The following PTPN5 variants were observed in gnomAD, a reference collection of about 807,000 sequenced individuals.
PTPN5 encodes protein tyrosine phosphatase non-receptor type 5, also known as tyrosine-protein phosphatase non-receptor type 5.
In PTPN5, 29 loss-of-function variants were observed where a neutral mutation model predicts 73.9. The ratio of observed to expected loss-of-function variants is 0.39; its 90% CI spans 0.29 to 0.54. The LOEUF (loss-of-function observed/expected upper bound fraction) is 0.54, where lower values mean the gene tolerates loss of function less well. Among genes scored for constraint, PTPN5 ranks in the 20% least tolerant of loss-of-function variants. The pLI is 0.65. For missense variants in PTPN5, 652 were observed against 751.4 expected (o/e 0.87, Z 1.55); for synonymous variants, 267 against 304.7 (o/e 0.88, Z 1.29).
intron 8 of PTPN5, 72 bp downstream of exon 8, chr11:18,740,531 T>C (rs1849314265): frequency 3.0e-6 from 4 of 1,325,578 alleles, no homozygotes; most frequent in Non-Finnish European, 3.9e-6. Context: ...GGCACCACGC[T>C]CCACCACCTG....
Position 18,776,227 on chromosome 11 carries a change from G to A in PTPN5, c.-113-4156C>T, listed in dbSNP as rs1220451924. On this transcript the variant is annotated intron_variant, in intron 1 of 14. Coordinates refer to ENST00000358540, the MANE Select transcript of PTPN5 (RefSeq NM_006906.2). ...CTTGTGGGCGTCTTCTGGTATTTCC[G>A]TTCAGTTACATGCTTGCTCCTACCT... Among the ~76,000 whole-genome samples, 7 of 152,120 alleles carry A rather than the reference G, an allele frequency of 4.6e-5. No individual in the cohort carries two copies. In the East Asian group the frequency reaches 1.2e-3, roughly 25 times the overall value.
chr11:18,791,686 GTCCGTCCTTCGGTGCC>G lies in PTPN5; in HGVS notation c.-291_-276del, dbSNP rs1164928380. On this transcript the variant is annotated 5_prime_UTR_variant, in exon 1 of 15. Transcript: ENST00000358540. ...TCTGTGCGTCTGCGTGTGCGGGGGC[GTCCGTCCTTCGGTGCC>G]TCCGTCCTTCGGTCCGTCCGCCTGG... 19 of 152,390 alleles carry G rather than the reference GTCCGTCCTTCGGTGCC, an allele frequency of 1.2e-4. No individual in the cohort carries two copies. The highest frequency in any genetic ancestry group is 1.2e-3 in the East Asian group (6 of 5,146). The allele number at this position is 152,390 out of a possible 1,614,324, so 9.4% of individuals were successfully genotyped here.
chr11:18,789,906 AACC>A (rs984360319), intron 1 of PTPN5, among the ~76,000 whole-genome samples: 19 of 152,224 alleles, frequency 1.2e-4, no homozygotes, highest in African/African-American at 4.3e-4. Flanking sequence ...TTACTCACGA[AACC>A]AAATACCACC....
chr11:18,738,242 G>T (rs954910655), intron 8 of PTPN5, among the ~76,000 whole-genome samples: 8 of 152,174 alleles, frequency 5.3e-5, no homozygotes, highest in Non-Finnish European at 1.2e-4. Context: ...TGAAGAAAAA[G>T]ACAAAAAGTG....
intron 1 of PTPN5, among the ~76,000 whole-genome samples, chr11:18,790,056 C>G (rs1021085766): frequency 1.3e-5 from 2 of 151,986 alleles, no homozygotes; most frequent in Non-Finnish European, 2.9e-5. Flanking sequence ...GACTCCATCC[C>G]TTCACCATCC....
chr11:18,775,410 G>C (rs947203561), intron 1 of PTPN5, among the ~76,000 whole-genome samples: 9 of 152,320 alleles, frequency 5.9e-5, no homozygotes, highest in South Asian at 4.1e-4. Context: ...CCAAGCAAAC[G>C]AGTGAAGGAG....
rs912155218 is a variant in PTPN5, at chr11:18,789,418, A to G, written c.-114+2107T>C. ...AAAGGGTTATATACTGACACCGTAC[A>G]GCCAGTGAGGAAGAGACTGGGACTG... On this transcript the variant is annotated intron_variant, in intron 1 of 14. Coordinates refer to ENST00000358540, the MANE Select transcript of PTPN5 (RefSeq NM_006906.2). Among the ~76,000 whole-genome samples the G allele has an allele frequency of 2.6e-5, 4 of 152,206 alleles. No individual in the cohort carries two copies. In the South Asian group the frequency reaches 6.2e-4, roughly 24 times the overall value.
At chr11:18,732,265 G>T (rs1848913852) in intron 12 of PTPN5, among the ~76,000 whole-genome samples, 1 of 152,172 alleles carries the variant, frequency 6.6e-6, no homozygotes, top group Admixed American at 6.5e-5. Flanking sequence ...AGTGCTGGAG[G>T]CTGCTGAAGT....
intron 3 of PTPN5, among the ~76,000 whole-genome samples, chr11:18,746,162 A>AATATAAATATAT (rs1291741015): frequency 7.4e-5 from 5 of 67,672 alleles, no homozygotes; most frequent in East Asian, 4.1e-4. Context: ...TATAAATATA[A>AATATAAATATAT]ATATATATAT....
At chr11:18,782,272 G>A (rs1326846416) in intron 1 of PTPN5, among the ~76,000 whole-genome samples, 1 of 151,810 alleles carries the variant, frequency 6.6e-6, no homozygotes, top group African/African-American at 2.4e-5. Context: ...CTGTCACCCA[G>A]GCTTGAGTGC....
Position 18,729,398 on chromosome 11 carries a change from A to C in PTPN5, c.1604+55T>G, listed in dbSNP as rs1590469077. 1.2e-6 allele frequency: 1 copy of C among 868,138 alleles called. No homozygotes were observed. The highest frequency in any genetic ancestry group is 1.9e-6 in the Non-Finnish European group (1 of 516,666). 53.8% of individuals were successfully genotyped at this position (868,138 alleles called of 1,614,324 possible). On this transcript the variant is annotated intron_variant, in intron 14 of 14. Transcript: ENST00000358540. The surrounding 1 kb of genome is among the most constrained non-coding windows in gnomAD (Gnocchi z 5.2). ...CATGCACATGTGGGTCTCTCCCTCTACCCGCTCGGGGCTCTAGCTCCCTTG... is the reference window on the plus strand; with the variant it reads ...CATGCACATGTGGGTCTCTCCCTCTCCCCGCTCGGGGCTCTAGCTCCCTTG...
In PTPN5 at chr11:18,744,165, G is replaced by A. The variant is rs367543233; in HGVS notation, c.132C>T (p.Asp44=). The change falls in exon 4 of 15, where the codon GAC becomes GAT. Residue 44 remains aspartate, a synonymous_variant. Transcript: ENST00000358540. ...GTGAGTCCTGGAGCCCTTCAGCCTCGTCCAGTGCCTCCATCACTATCGGCT... is the reference window on the plus strand; with the variant it reads ...GTGAGTCCTGGAGCCCTTCAGCCTCATCCAGTGCCTCCATCACTATCGGCT... ...LPQPIVMEAL[D]EAEGLQDSQR... is the part of the protein sequence containing the mutation. 2.6e-5 allele frequency: 42 copies of A among 1,588,558 alleles called. No individual in the cohort carries two copies. The highest frequency in any genetic ancestry group is 1.8e-4 in the African/African-American group (13 of 73,048).
At position 18,781,320 on chromosome 11, in the gene PTPN5, C is replaced by T. The variant is rs1031980581; in HGVS notation, c.-113-9249G>A. ...CAGAGATCAGACTGTCTTTTTTTGA[C>T]CACTTTTTTTTTTTTTTGAGATGGA... On this transcript the variant is annotated intron_variant, in intron 1 of 14. Transcript: ENST00000358540. Among the ~76,000 whole-genome samples the T allele has an allele frequency of 1.5e-4, 9 of 58,732 alleles. No homozygotes were observed. The East Asian group carries it at 4.6e-3, about 30-fold the overall frequency. The allele number at this position is 58,732 out of a possible 152,430, so 38.5% of individuals were successfully genotyped here. A position where few individuals can be genotyped will look rare whatever the true frequency, so the allele number is the denominator to read the frequency against.
In PTPN5 at chr11:18,740,588, C is replaced by T; in HGVS notation, c.915+15G>A. The T allele has an allele frequency of 6.5e-7, 1 of 1,544,628 alleles. No homozygotes were observed. The highest frequency in any genetic ancestry group is 1.3e-5 in the South Asian group (1 of 79,932). On this transcript the variant is annotated intron_variant, in intron 8 of 14. Coordinates refer to ENST00000358540, the MANE Select transcript of PTPN5 (RefSeq NM_006906.2). ...GGTCTGCACACAGTGGGGCGACCGG[C>T]TCAAGGGAACTCACAAAGAATTCCG...
At chr11:18,758,367 C>T (rs906386191) in intron 3 of PTPN5, among the ~76,000 whole-genome samples, 5 of 152,144 alleles carry the variant, frequency 3.3e-5, no homozygotes, top group African/African-American at 1.2e-4. Flanking sequence ...GTCCAACTAC[C>T]ATGAGACCAT....
chr11:18,761,123 T>C (rs1414968981), intron 3 of PTPN5, among the ~76,000 whole-genome samples: 1 of 152,154 alleles, frequency 6.6e-6, no homozygotes, highest in East Asian at 1.9e-4. Context: ...GCAGGGGTGG[T>C]ATACTGCGAG....
At chr11:18,761,874 G>T (rs1056936921) in intron 3 of PTPN5, among the ~76,000 whole-genome samples, 5 of 152,208 alleles carry the variant, frequency 3.3e-5, no homozygotes, top group African/African-American at 7.2e-5. Context: ...AGGCATGCAG[G>T]TGTGTGAGCC....
rs570662223 is a variant in PTPN5 at position 18,738,102 on chromosome 11, GA to G, written c.916-139del. ...TCATTCAACAAACATTTACTATTAA[GA>G]GAGTTAGTGCTCACGACGCATTCAG... On this transcript the variant is annotated intron_variant, in intron 8 of 14. Transcript: ENST00000358540. 5.8e-5 allele frequency: 41 copies of G among 702,268 alleles called. No individual in the cohort carries two copies. In the African/African-American group the frequency reaches 6.3e-4, roughly 11 times the overall value. The allele number at this position is 702,268 out of a possible 1,614,324, so 43.5% of individuals were successfully genotyped here.
Position 18,729,609 on chromosome 11 carries a change from C to A in PTPN5, c.1491-43G>T. The stretch of plus-strand genomic sequence containing the variant: ...CGGTGGGGTGAGGGGCAGGGCAGCC[C>A]AGCGGGTGGGGGGCTGCCCCGCTCC... On this transcript the variant is annotated intron_variant, in intron 13 of 14. Coordinates refer to ENST00000358540, the MANE Select transcript of PTPN5 (RefSeq NM_006906.2). The surrounding 1 kb of genome is among the most constrained non-coding windows in gnomAD (Gnocchi z 5.2). The A allele has an allele frequency of 6.3e-7, 1 of 1,574,812 alleles. No individual in the cohort carries two copies. Among genetic ancestry groups the A allele is most frequent in the Non-Finnish European group, 8.6e-7 (1 of 1,160,852 alleles).
Sources: gnomAD v4.1 joint callset for allele counts (sites outside exome capture counted in the v4.1 genomes callset) on GRCh38, gnomAD v4.1.1 for gene constraint, Gnocchi (gnomAD v3.1) non-coding constraint, MANE v1.5 for transcripts, NCBI Gene and HGNC (gene_info 2026-07-23, HGNC 2026-07-21) for gene names.